Variants in CDC42SE2 observed in about 807,000 individuals in gnomAD.
The protein encoded by CDC42SE2 is CDC42 small effector protein 2.
In CDC42SE2, 3 loss-of-function variants were observed where a neutral mutation model predicts 11.5. The ratio of observed to expected loss-of-function variants is 0.26; its 90% confidence interval spans 0.12 to 0.67. The LOEUF is 0.67. CDC42SE2 is among the 30% of genes least tolerant of loss of function. The pLI is 0.80. For missense variants in CDC42SE2, 82 were observed against 106.8 expected, an observed-to-expected ratio of 0.77 and a Z score of 1.02; for synonymous variants, 33 against 34.8, an observed-to-expected ratio of 0.95 and a Z score of 0.18.
intron 3 of CDC42SE2, among the ~76,000 whole-genome samples, chr5:131,367,114 G>A (rs1158882070): frequency 1.3e-5 from 2 of 151,356 alleles, no homozygotes; most frequent in African/African-American, 2.4e-5. Context: ...ATATGTGTGT[G>A]TGTGTATATC....
the CDC42SE2 span, among the ~76,000 whole-genome samples, chr5:131,229,411 G>GTTA: frequency 6.5e-3 from 986 of 151,436 alleles, 14 homozygotes; most frequent in African/African-American, 0.022. Flanking sequence ...TTTTATTTTT[G>GTTA]TTATTATTAT....
chr5:131,211,190 T>C, the CDC42SE2 span, among the ~76,000 whole-genome samples: 1 of 152,236 alleles, frequency 6.6e-6, no homozygotes. Context: ...TTGTGCTTCA[T>C]TCTGGTTAAT....
intron 2 of CDC42SE2, among the ~76,000 whole-genome samples, chr5:131,337,934 C>T (rs551532931): frequency 2.0e-4 from 31 of 152,354 alleles, no homozygotes; most frequent in South Asian, 8.3e-4. Flanking sequence ...GGCGATGCCT[C>T]GCCCTGCTTC....
chr5:131,315,043 G>A (rs1443615314), intron 1 of CDC42SE2, among the ~76,000 whole-genome samples: 2 of 152,084 alleles, frequency 1.3e-5, no homozygotes, highest in African/African-American at 2.4e-5. Flanking sequence ...GGGAGACAAG[G>A]AAGAGTATGT....
chr5:131,378,704 A>T (rs1470228800), intron 3 of CDC42SE2, among the ~76,000 whole-genome samples: 1 of 152,234 alleles, frequency 6.6e-6, no homozygotes, highest in Non-Finnish European at 1.5e-5. Context: ...ATAACCAGTT[A>T]CATACTTATG....
At chr5:131,272,136 G>C (rs1321388837) in intron 1 of CDC42SE2, among the ~76,000 whole-genome samples, 3 of 151,898 alleles carry the variant, frequency 2.0e-5, no homozygotes, top group African/African-American at 7.3e-5. Context: ...TCAGCCTCCC[G>C]AGTAGCTGGA....
chr5:131,328,584 C>G (rs1026284728), intron 2 of CDC42SE2, among the ~76,000 whole-genome samples: 21 of 152,062 alleles, frequency 1.4e-4, no homozygotes, highest in Admixed American at 1.2e-3. Context: ...CCTGTTTTGG[C>G]TTCATATACT....
At chr5:131,279,124 C>T (rs1317772392) in intron 1 of CDC42SE2, among the ~76,000 whole-genome samples, 3 of 152,012 alleles carry the variant, frequency 2.0e-5, no homozygotes, top group African/African-American at 7.2e-5. Context: ...AGTAGAATTA[C>T]TTATTTTGGT....
chr5:131,325,342 T>G (rs572689948), intron 2 of CDC42SE2, among the ~76,000 whole-genome samples: 2 of 152,220 alleles, frequency 1.3e-5, no homozygotes, highest in Non-Finnish European at 2.9e-5. Flanking sequence ...TGAATAGATA[T>G]GAAATGGTAG....
intron 3 of CDC42SE2, among the ~76,000 whole-genome samples, chr5:131,379,841 G>C (rs940342508): frequency 1.3e-5 from 2 of 152,194 alleles, no homozygotes; most frequent in Admixed American, 6.5e-5. Flanking sequence ...ATACGTATCA[G>C]AGCAGAGTGC....
chr5:131,278,065 C>T (rs189804531), intron 1 of CDC42SE2, among the ~76,000 whole-genome samples: 2 of 152,212 alleles, frequency 1.3e-5, no homozygotes, highest in Non-Finnish European at 2.9e-5. Flanking sequence ...ATGATCAGGA[C>T]TCACTGCAGC....
At chr5:131,315,348 T>TC (rs1022506143) in intron 1 of CDC42SE2, among the ~76,000 whole-genome samples, 1 of 152,170 alleles carries the variant, frequency 6.6e-6, no homozygotes, top group Non-Finnish European at 1.5e-5. Context: ...CTATATTATA[T>TC]CCTCAAGGCA....
intron 2 of CDC42SE2, among the ~76,000 whole-genome samples, chr5:131,258,371 T>C (rs1047907536): frequency 1.3e-5 from 2 of 152,154 alleles, no homozygotes; most frequent in African/African-American, 4.8e-5. Context: ...AAATTGGTAT[T>C]ACTTGCCATA....
At chr5:131,288,688 T>G (rs1757390943) in intron 1 of CDC42SE2, among the ~76,000 whole-genome samples, 1 of 152,152 alleles carries the variant, frequency 6.6e-6, no homozygotes, top group South Asian at 2.1e-4. Flanking sequence ...TGAGAGCAAA[T>G]TAGGGATTTT....
chr5:131,245,559 A>G (rs1756574350), exon 1 of CDC42SE2: 1 of 152,212 alleles, frequency 6.6e-6, no homozygotes, highest in Non-Finnish European at 1.5e-5. Context: ...AGAAGTTAAC[A>G]GTGTTTGGTG....
chr5:131,344,352 A>G (rs1257288448), intron 2 of CDC42SE2, among the ~76,000 whole-genome samples: 1 of 152,178 alleles, frequency 6.6e-6, no homozygotes, highest in Non-Finnish European at 1.5e-5. Flanking sequence ...AGGAGATTAT[A>G]TCCTGCGCCT....
intron 1 of CDC42SE2, among the ~76,000 whole-genome samples, chr5:131,291,107 AGTT>A (rs1357074088): frequency 6.6e-6 from 1 of 152,158 alleles, no homozygotes; most frequent in Admixed American, 6.5e-5. Flanking sequence ...TGTGGTCTGT[AGTT>A]GTTGTTTTTT....
chr5:131,275,265 A>T, intron 1 of CDC42SE2, among the ~76,000 whole-genome samples: 1 of 151,242 alleles, frequency 6.6e-6, no homozygotes. Context: ...ATTTACATGG[A>T]CTTAGACCCT....
the CDC42SE2 span, among the ~76,000 whole-genome samples, chr5:131,210,316 ACTTC>A: frequency 6.6e-6 from 1 of 152,130 alleles, no homozygotes; most frequent in Non-Finnish European, 1.5e-5. Flanking sequence ...GCTTTTAACC[ACTTC>A]CTTCTGTTAG....
Sources: gnomAD v4.1 joint callset for allele counts (sites outside exome capture counted in the v4.1 genomes callset) on GRCh38, gnomAD v4.1.1 for gene constraint, MANE v1.5 for transcripts, NCBI Gene and HGNC (gene_info 2026-07-23, HGNC 2026-07-21) for gene names.